Variants in RTN1 observed in about 807,000 individuals in gnomAD.
The protein encoded by RTN1 is reticulon-1.
Under a neutral mutation model 65.5 loss-of-function variants are expected in RTN1, and 25 were observed. That is an observed-to-expected ratio of 0.38 (90% CI 0.28 to 0.53). The LOEUF is 0.53. RTN1 is among the 20% of genes least tolerant of loss of function. The probability of loss-of-function intolerance (pLI) is 0.79; values close to 1 mark genes in which losing one functional copy is unlikely to be tolerated. For synonymous variants in RTN1, 471 were observed against 447.6 expected (o/e 1.05, Z -0.66); for missense variants, 983 against 1,025.4 (o/e 0.96, Z 0.57).
Position 59,815,729 on chromosome 14 carries a change from C to G in RTN1, c.241+54661G>C, listed in dbSNP as rs187058910. On this transcript the variant is annotated intron_variant, in intron 1 of 8. Transcript: ENST00000267484. Reference sequence around the variant, plus strand: ...GGCCTTCTCCTGTCCTGTTGGAGAACTGATTTCACACTCCTCCCTTCCCAA... The same window carrying G: ...GGCCTTCTCCTGTCCTGTTGGAGAAGTGATTTCACACTCCTCCCTTCCCAA... Among the ~76,000 whole-genome samples the G allele has an allele frequency of 1.6e-4, 25 of 152,298 alleles. No individual in the cohort carries two copies. In the East Asian group the frequency reaches 4.6e-3, roughly 28 times the overall value.
intron 1 of RTN1, among the ~76,000 whole-genome samples, chr14:59,842,268 TA>T (rs973386770): frequency 6.6e-6 from 1 of 151,926 alleles, no homozygotes; most frequent in South Asian, 2.1e-4. Flanking sequence ...ATGCATCTAA[TA>T]AAAAAACTAG....
intron 1 of RTN1, among the ~76,000 whole-genome samples, chr14:59,797,787 C>T (rs999932724): frequency 2.0e-5 from 3 of 152,084 alleles, no homozygotes; most frequent in South Asian, 2.1e-4. Flanking sequence ...TTTTGCCTAG[C>T]GTCATCTTTG....
chr14:59,607,764 G>T, intron 3 of RTN1, among the ~76,000 whole-genome samples: 1 of 152,094 alleles, frequency 6.6e-6, no homozygotes, highest in East Asian at 1.9e-4. Context: ...GATGGGTGTA[G>T]CTCTGTGGGC....
chr14:59,653,725 C>T (rs1002429003), intron 3 of RTN1, among the ~76,000 whole-genome samples: 11 of 151,874 alleles, frequency 7.2e-5, no homozygotes, highest in Admixed American at 2.6e-4. Flanking sequence ...CCCTAATATA[C>T]ATACTCCCAG....
intron 2 of RTN1, among the ~76,000 whole-genome samples, chr14:59,730,352 C>G (rs1884873282): frequency 6.6e-6 from 1 of 152,186 alleles, no homozygotes; most frequent in African/African-American, 2.4e-5. Flanking sequence ...ACCCCTACCT[C>G]ATGTTGTATT....
At chr14:59,672,952 T>A (rs1179125332) in intron 3 of RTN1, among the ~76,000 whole-genome samples, 4 of 152,212 alleles carry the variant, frequency 2.6e-5, no homozygotes, top group Non-Finnish European at 5.9e-5. Flanking sequence ...GATATTTCTT[T>A]TTTGCCTTGA....
At chr14:59,725,945 G>A (rs1884748741) in intron 3 of RTN1, among the ~76,000 whole-genome samples, 1 of 152,210 alleles carries the variant, frequency 6.6e-6, no homozygotes, top group Non-Finnish European at 1.5e-5. Context: ...GGAAAGAAAA[G>A]TAGAAGAGAT....
At chr14:59,725,682 C>G (rs1400622624) in intron 3 of RTN1, among the ~76,000 whole-genome samples, 1 of 152,212 alleles carries the variant, frequency 6.6e-6, no homozygotes, top group Admixed American at 6.5e-5. Flanking sequence ...TGCCACATGT[C>G]TGAGCCACAG....
chr14:59,701,144 A>G (rs942492899), intron 3 of RTN1, among the ~76,000 whole-genome samples: 3 of 152,200 alleles, frequency 2.0e-5, no homozygotes, highest in Non-Finnish European at 4.4e-5. Flanking sequence ...TTAAAATGCA[A>G]ATCAAAACCA....
At chr14:59,642,562 G>A (rs773418928) in intron 3 of RTN1, among the ~76,000 whole-genome samples, 5 of 151,920 alleles carry the variant, frequency 3.3e-5, no homozygotes, top group Admixed American at 6.6e-5. Flanking sequence ...CTATCTTTGA[G>A]TTTACTAATT....
At position 59,776,323 on chromosome 14, in the gene RTN1, T is replaced by A. The variant is rs566384712; in HGVS notation, c.242-29842A>T. On this transcript the variant is annotated intron_variant, in intron 1 of 8. Coordinates refer to ENST00000267484, the MANE Select transcript of RTN1 (RefSeq NM_021136.3). Reference sequence around the variant, plus strand: ...GGATTAATGTTATAGTGGAAGTGGGTTAGTTATTGTGATAGTGGGCTTGCT... The same window carrying A: ...GGATTAATGTTATAGTGGAAGTGGGATAGTTATTGTGATAGTGGGCTTGCT... 1.4e-4 allele frequency among the ~76,000 whole-genome samples: 21 copies of A among 151,968 alleles called. No individual in the cohort carries two copies. In the East Asian group the frequency reaches 4.1e-3, roughly 30 times the overall value.
rs372671990 is a variant in RTN1, at chr14:59,716,986, C to A, written c.1765+9933G>T. ...CCATCTCAACAAACAAACAAACAAA[C>A]AAAAAAAAAAAAAAAAAGAAGTAGA... On this transcript the variant is annotated intron_variant, in intron 3 of 8. Transcript: ENST00000267484. 7.3e-3 allele frequency among the ~76,000 whole-genome samples: 868 copies of A among 118,978 alleles called. 2 individuals are homozygous for A. The highest frequency in any genetic ancestry group is 0.012 in the Non-Finnish European group (616 of 49,858). 78.1% of individuals were successfully genotyped at this position (118,978 alleles called of 152,430 possible).
chr14:59,787,742 CTG>C (rs1886277579), intron 1 of RTN1, among the ~76,000 whole-genome samples: 1 of 152,024 alleles, frequency 6.6e-6, no homozygotes, highest in Non-Finnish European at 1.5e-5. Flanking sequence ...CTCATGTAGA[CTG>C]GGGTGATTTG....
At chr14:59,654,429 T>A (rs1883080403) in intron 3 of RTN1, among the ~76,000 whole-genome samples, 1 of 108,426 alleles carries the variant, frequency 9.2e-6, no homozygotes, top group Admixed American at 1.0e-4. Flanking sequence ...ACTCTGTCTC[T>A]GTGAAAAAAA....
intron 3 of RTN1, among the ~76,000 whole-genome samples, chr14:59,626,146 G>A (rs1000868097): frequency 6.6e-6 from 1 of 152,014 alleles, no homozygotes; most frequent in East Asian, 1.9e-4. Flanking sequence ...ATTCCCAAAG[G>A]CATGCTTTTT....
intron 3 of RTN1, among the ~76,000 whole-genome samples, chr14:59,701,731 G>A (rs896420933): frequency 6.6e-6 from 1 of 152,044 alleles, no homozygotes; most frequent in Non-Finnish European, 1.5e-5. Context: ...TTTCTTTTTG[G>A]GGTGATGAAA....
intron 1 of RTN1, among the ~76,000 whole-genome samples, chr14:59,812,205 TCAC>T (rs1303381647): frequency 6.6e-6 from 1 of 152,060 alleles, no homozygotes; most frequent in Admixed American, 6.5e-5. Flanking sequence ...TTCCTAAAAA[TCAC>T]CACACCACCC....
chr14:59,799,432 T>A (rs1343009177), intron 1 of RTN1, among the ~76,000 whole-genome samples: 1 of 152,118 alleles, frequency 6.6e-6, no homozygotes, highest in Non-Finnish European at 1.5e-5. Flanking sequence ...AGAGTTGAGG[T>A]AATAAGGCAG....
intron 3 of RTN1, among the ~76,000 whole-genome samples, chr14:59,632,237 C>T (rs1882570946): frequency 6.6e-6 from 1 of 152,200 alleles, no homozygotes; most frequent in Non-Finnish European, 1.5e-5. Flanking sequence ...ACAATGACCA[C>T]ATTATTACAA....
Sources: gnomAD v4.1 joint callset for allele counts (sites outside exome capture counted in the v4.1 genomes callset) on GRCh38, gnomAD v4.1.1 for gene constraint, MANE v1.5 for transcripts, NCBI Gene and HGNC (gene_info 2026-07-23, HGNC 2026-07-21) for gene names.